Variants in FGF12 observed in about 807,000 individuals in gnomAD.
The protein encoded by FGF12 is fibroblast growth factor 12B.
FGF12 carries 14 observed loss-of-function variants against 23.6 expected under a neutral mutation model. The observed-to-expected ratio is 0.59, with a 90% confidence interval of 0.39 to 0.93. The LOEUF (loss-of-function observed/expected upper bound fraction) is 0.93, where lower values mean the gene tolerates loss of function less well. FGF12 is among the 40% of genes least tolerant of loss of function. FGF12 has a pLI of 0.00. For synonymous variants in FGF12, 62 were observed against 77.3 expected (o/e 0.80, Z 1.04); for missense variants, 175 against 217.8 (o/e 0.80, Z 1.24).
At chr3:192,522,015 A>T (rs555315963) in intron 2 of FGF12, among the ~76,000 whole-genome samples, 1 of 152,118 alleles carries the variant, frequency 6.6e-6, no homozygotes, top group African/African-American at 2.4e-5. Flanking sequence ...TGGCTAACAC[A>T]GTGAAACCCC....
chr3:192,612,403 A>G (rs1157241172), intron 2 of FGF12, among the ~76,000 whole-genome samples: 2 of 152,010 alleles, frequency 1.3e-5, no homozygotes, highest in African/African-American at 4.8e-5. Flanking sequence ...ACTGGGATCT[A>G]TAACACACAT....
chr3:192,305,679 A>AAAATATATAT lies in FGF12; in HGVS notation c.228+29681_228+29682insATATATATTT, dbSNP rs1423738741. Among the ~76,000 whole-genome samples the AAAATATATAT allele has an allele frequency of 1.9e-3, 254 of 131,898 alleles. 7 individuals are homozygous for AAAATATATAT. The South Asian group carries it at 0.039, about 20-fold the overall frequency. The allele number at this position is 131,898 out of a possible 152,430, so 86.5% of individuals were successfully genotyped here. ...AAGGTGGCTTAGGAAAAAAAAAAAAAATATATATATATATATAAATATATA... is the reference window on the plus strand; with the variant it reads ...AAGGTGGCTTAGGAAAAAAAAAAAAAAAATATATATATATATATATATATATAAATATATA... On this transcript the variant is annotated intron_variant, in intron 4 of 5. Transcript: ENST00000445105.
intron 4 of FGF12, among the ~76,000 whole-genome samples, chr3:192,307,455 C>T (rs536550199): frequency 2.2e-4 from 34 of 152,102 alleles, no homozygotes; most frequent in African/African-American, 8.2e-4. Context: ...GTCTAGCCGA[C>T]CTCTATGATC....
chr3:192,539,989 G>C (rs1447658048), intron 2 of FGF12, among the ~76,000 whole-genome samples: 2 of 151,752 alleles, frequency 1.3e-5, no homozygotes, highest in African/African-American at 2.4e-5. Flanking sequence ...AGTATCAGTT[G>C]TGAAGTCTTC....
At chr3:192,399,897 T>A (rs1217411587) in intron 2 of FGF12, among the ~76,000 whole-genome samples, 2 of 152,198 alleles carry the variant, frequency 1.3e-5, no homozygotes, top group African/African-American at 4.8e-5. Context: ...AAGAAAAGAC[T>A]CTATAGAGTA....
At chr3:192,611,585 A>G (rs1393975423) in intron 2 of FGF12, among the ~76,000 whole-genome samples, 1 of 152,006 alleles carries the variant, frequency 6.6e-6, no homozygotes, top group Non-Finnish European at 1.5e-5. Context: ...GCTTCATAAT[A>G]GAATTGCCCA....
chr3:192,421,491 T>C (rs981300698), intron 2 of FGF12, among the ~76,000 whole-genome samples: 8 of 150,778 alleles, frequency 5.3e-5, no homozygotes, highest in African/African-American at 1.9e-4. Context: ...TATGCAGCCA[T>C]AAAAAAGGAT....
chr3:192,365,688 G>A lies in FGF12; in HGVS notation c.14-5150C>T, dbSNP rs76278189. On this transcript the variant is annotated intron_variant, in intron 2 of 5. Transcript: ENST00000445105. ...CAAGGAAGGTAAAGGATGGGACCTC[G>A]GGTTCAATACTGCTTCCCATCAGGA... Among the ~76,000 whole-genome samples, 735 of 152,162 alleles carry A rather than the reference G, an allele frequency of 4.8e-3. 4 individuals are homozygous for A. The highest frequency in any genetic ancestry group is 5.7e-3 in the Non-Finnish European group (389 of 67,990).
chr3:192,652,239 C>T (rs1404093194), intron 2 of FGF12, among the ~76,000 whole-genome samples: 1 of 152,148 alleles, frequency 6.6e-6, no homozygotes, highest in Non-Finnish European at 1.5e-5. Context: ...TCATCATGTT[C>T]ATGAGAATCA....
intron 2 of FGF12, among the ~76,000 whole-genome samples, chr3:192,415,475 A>G (rs1050266144): frequency 5.3e-4 from 81 of 152,260 alleles, no homozygotes; most frequent in African/African-American, 1.9e-3. Flanking sequence ...AGCCAAATAG[A>G]TGCATGGGTC....
At chr3:192,494,896 T>C (rs1366706849) in intron 2 of FGF12, among the ~76,000 whole-genome samples, 1 of 152,138 alleles carries the variant, frequency 6.6e-6, no homozygotes, top group African/African-American at 2.4e-5. Context: ...AGTCTTCCTC[T>C]GTCACCCAGG....
At chr3:192,186,288 A>G (rs1285601358) in intron 4 of FGF12, among the ~76,000 whole-genome samples, 1 of 152,242 alleles carries the variant, frequency 6.6e-6, no homozygotes, top group Non-Finnish European at 1.5e-5. Context: ...CATGTGAATC[A>G]CTTAAGAGTA....
At chr3:192,212,935 C>A (rs773320590) in intron 4 of FGF12, among the ~76,000 whole-genome samples, 1 of 152,196 alleles carries the variant, frequency 6.6e-6, no homozygotes, top group Non-Finnish European at 1.5e-5. Context: ...AAATCAAACA[C>A]CCTGTCTGGA....
At chr3:192,641,938 A>G (rs1715822344) in intron 2 of FGF12, among the ~76,000 whole-genome samples, 1 of 152,172 alleles carries the variant, frequency 6.6e-6, no homozygotes, top group African/African-American at 2.4e-5. Flanking sequence ...CACAGAAAAC[A>G]TTTGCTCACC....
intron 2 of FGF12, among the ~76,000 whole-genome samples, chr3:192,526,111 C>T (rs1724939779): frequency 6.6e-6 from 1 of 152,196 alleles, no homozygotes. Flanking sequence ...TGTTTTTGCA[C>T]ATGATAGTTC....
At chr3:192,647,712 C>CAT (rs113508070) in intron 2 of FGF12, among the ~76,000 whole-genome samples, 61 of 142,922 alleles carry the variant, frequency 4.3e-4, no homozygotes, top group East Asian at 1.4e-3. Flanking sequence ...TGTATATATA[C>CAT]ATATATATAT....
rs531320523 is a variant in FGF12, at chr3:192,306,148, T to C, written c.228+29213A>G. ...TGTGGATCCAGTGTCATTACAAATA[T>C]GAAAATTTTAAATTTTAAAAATGTA... is the stretch of plus-strand genomic sequence containing the variant. On this transcript the variant is annotated intron_variant, in intron 4 of 5. Transcript: ENST00000445105. Among the ~76,000 whole-genome samples the C allele has an allele frequency of 1.8e-4, 28 of 152,288 alleles. No homozygotes were observed. The East Asian group carries it at 5.4e-3, about 29-fold the overall frequency.
chr3:192,375,921 T>C (rs953556241), intron 2 of FGF12, among the ~76,000 whole-genome samples: 1 of 152,224 alleles, frequency 6.6e-6, no homozygotes, highest in Non-Finnish European at 1.5e-5. Context: ...AATCTGTCTT[T>C]TCTCTCTGAC....
chr3:192,155,454 C>T (rs959058398), intron 5 of FGF12, among the ~76,000 whole-genome samples: 1 of 152,190 alleles, frequency 6.6e-6, no homozygotes. Flanking sequence ...TATACCCATT[C>T]CAAGTACCAT....
Sources: allele counts gnomAD v4.1 joint callset (sites outside exome capture counted in the v4.1 genomes callset), GRCh38; gene constraint gnomAD v4.1.1; transcripts MANE v1.5; gene names NCBI Gene and HGNC (gene_info 2026-07-23, HGNC 2026-07-21).